PPP3CA: variants seen among roughly 807,000 people sequenced by gnomAD.
PPP3CA encodes CAM-PRP catalytic subunit.
PPP3CA carries 14 observed loss-of-function variants against 66.5 expected under a neutral mutation model. The observed-to-expected ratio is 0.21, with a 90% CI of 0.14 to 0.33. PPP3CA has a LOEUF of 0.33. Ranked by LOEUF, PPP3CA falls within the 10% of genes least tolerant of loss-of-function variation. PPP3CA has a pLI of 1.00. For missense variants in PPP3CA, 317 were observed against 639.5 expected (o/e 0.50, Z 5.44); for synonymous variants, 232 against 226.2 (o/e 1.03, Z -0.23).
At chr4:101,073,943 C>T (rs1222314366) in intron 8 of PPP3CA, among the ~76,000 whole-genome samples, 1 of 152,136 alleles carries the variant, frequency 6.6e-6, no homozygotes, top group Non-Finnish European at 1.5e-5. Flanking sequence ...GTGCTCAGGA[C>T]CCATTAAGAG....
intron 3 of PPP3CA, among the ~76,000 whole-genome samples, chr4:101,101,325 C>T (rs1444621288): frequency 6.6e-6 from 1 of 152,008 alleles, no homozygotes; most frequent in East Asian, 1.9e-4. Flanking sequence ...TTACATGTTT[C>T]AATAAAAAGA....
chr4:101,080,667 A>G, intron 7 of PPP3CA, 41 bp from the exon 8 acceptor site: 1 of 1,217,978 alleles, frequency 8.2e-7, no homozygotes, highest in Non-Finnish European at 1.1e-6. Context: ...CTTGTATGGA[A>G]AAAAGATAAT....
At chr4:101,177,133 T>C (rs912104045) in intron 2 of PPP3CA, among the ~76,000 whole-genome samples, 1 of 152,126 alleles carries the variant, frequency 6.6e-6, no homozygotes, top group African/African-American at 2.4e-5. Context: ...AAAATAAAAC[T>C]AGTGGTTTTA....
chr4:101,124,853 C>T (rs1460460871), intron 2 of PPP3CA, among the ~76,000 whole-genome samples: 1 of 151,696 alleles, frequency 6.6e-6, no homozygotes, highest in African/African-American at 2.4e-5. Context: ...TTTTAAAATC[C>T]CATCATTTAC....
At chr4:101,214,495 G>C (rs1725399435) in intron 1 of PPP3CA, among the ~76,000 whole-genome samples, 1 of 152,032 alleles carries the variant, frequency 6.6e-6, no homozygotes. Context: ...CCAGAAAAAA[G>C]ATCAAGACTA....
chr4:101,243,346 G>T (rs896727717), intron 1 of PPP3CA, among the ~76,000 whole-genome samples: 1 of 152,072 alleles, frequency 6.6e-6, no homozygotes, highest in Non-Finnish European at 1.5e-5. Flanking sequence ...TCTGAACCAC[G>T]TATAAAAGCA....
chr4:101,055,008 T>G (rs1387884803), intron 10 of PPP3CA, among the ~76,000 whole-genome samples: 2 of 152,144 alleles, frequency 1.3e-5, no homozygotes, highest in Admixed American at 6.6e-5. Context: ...GGCTTCAGTT[T>G]AACTTCCACA....
rs146368465 is a variant in PPP3CA, at chr4:101,134,680, A to G, written c.260-25602T>C. Among the ~76,000 whole-genome samples the G allele has an allele frequency of 9.9e-4, 151 of 152,348 alleles. 2 individuals carry two copies. The East Asian group carries it at 0.026, about 26-fold the overall frequency. On this transcript the variant is annotated intron_variant, in intron 2 of 13. Transcript: ENST00000394854. Reference sequence around the variant, plus strand: ...GTGGAAGACAGTGTGGCAATTCCTCAAGGATCTAGAACTGGAAATACCATT... The same window carrying G: ...GTGGAAGACAGTGTGGCAATTCCTCGAGGATCTAGAACTGGAAATACCATT...
intron 1 of PPP3CA, among the ~76,000 whole-genome samples, chr4:101,290,723 G>A (rs555291061): frequency 1.3e-5 from 2 of 152,256 alleles, no homozygotes; most frequent in African/African-American, 2.4e-5. Context: ...AAACAAAGAA[G>A]GAACACAGGG....
intron 2 of PPP3CA, among the ~76,000 whole-genome samples, chr4:101,150,580 G>T (rs1442392832): frequency 6.6e-6 from 1 of 152,148 alleles, no homozygotes; most frequent in Non-Finnish European, 1.5e-5. Context: ...TAATGATATA[G>T]ACTGGTATGA....
At chr4:101,076,281 T>G (rs1464420321) in intron 8 of PPP3CA, among the ~76,000 whole-genome samples, 1 of 150,974 alleles carries the variant, frequency 6.6e-6, no homozygotes, top group Non-Finnish European at 1.5e-5. Context: ...AGGATACTTC[T>G]GGTCACAGTC....
intron 11 of PPP3CA, among the ~76,000 whole-genome samples, chr4:101,036,615 T>A (rs1727263819): frequency 6.6e-6 from 1 of 152,208 alleles, no homozygotes; most frequent in Non-Finnish European, 1.5e-5. Flanking sequence ...GGTTTCACCA[T>A]GTTAGCCAGG....
chr4:101,277,500 T>C (rs1727539675), intron 1 of PPP3CA, among the ~76,000 whole-genome samples: 2 of 152,342 alleles, frequency 1.3e-5, no homozygotes, highest in Non-Finnish European at 2.9e-5. Flanking sequence ...TCTATTTGCA[T>C]TTACTTATGA....
At chr4:101,263,916 T>C (rs1024800528) in intron 1 of PPP3CA, among the ~76,000 whole-genome samples, 2 of 152,204 alleles carry the variant, frequency 1.3e-5, no homozygotes, top group Non-Finnish European at 2.9e-5. Context: ...CTTCTCACTT[T>C]ACCAGGTTAG....
At chr4:101,238,693 T>C (rs1189313970) in intron 1 of PPP3CA, among the ~76,000 whole-genome samples, 1 of 152,044 alleles carries the variant, frequency 6.6e-6, no homozygotes, top group Non-Finnish European at 1.5e-5. Context: ...AGAATCAATA[T>C]TTATCTCAGG....
At chr4:101,047,244 A>G (rs535580499) in intron 10 of PPP3CA, among the ~76,000 whole-genome samples, 4 of 152,318 alleles carry the variant, frequency 2.6e-5, no homozygotes, top group African/African-American at 9.6e-5. Flanking sequence ...CTTGAGTCCT[A>G]GATTTAAAAA....
At chr4:101,309,592 A>G (rs768334328) in intron 1 of PPP3CA, among the ~76,000 whole-genome samples, 18 of 152,192 alleles carry the variant, frequency 1.2e-4, no homozygotes, top group Non-Finnish European at 2.1e-4. Context: ...CACTATAAAG[A>G]AAGATGTGCT....
At chr4:101,242,274 C>T (rs1030220496) in intron 1 of PPP3CA, among the ~76,000 whole-genome samples, 1 of 152,100 alleles carries the variant, frequency 6.6e-6, no homozygotes. Context: ...CAATTAAAGA[C>T]ATGACCTTAA....
At chr4:101,068,184 C>T (rs113098735) in intron 8 of PPP3CA, among the ~76,000 whole-genome samples, 1 of 152,072 alleles carries the variant, frequency 6.6e-6, no homozygotes, top group Non-Finnish European at 1.5e-5. Context: ...AGAAAAGAAA[C>T]AAAGATGAGA....
Sources: allele counts gnomAD v4.1 joint callset (sites outside exome capture counted in the v4.1 genomes callset), GRCh38; gene constraint gnomAD v4.1.1; transcripts MANE v1.5; gene names NCBI Gene and HGNC (gene_info 2026-07-23, HGNC 2026-07-21).